The following RHBDF1 variants were observed in gnomAD, a reference collection of about 807,000 sequenced individuals.
RHBDF1 encodes the protein rhomboid 5 homolog 1.
Under a neutral mutation model 98.6 loss-of-function variants are expected in RHBDF1, and 80 were observed. That is an observed-to-expected ratio of 0.81 (90% CI 0.68 to 0.98). RHBDF1 has a LOEUF of 0.98. Among genes scored for constraint, RHBDF1 ranks in the 50% least tolerant of loss-of-function variants. The pLI is 0.00. For missense variants in RHBDF1, 1,116 were observed against 1,198.3 expected, an observed-to-expected ratio of 0.93 and a Z score of 1.01; for synonymous variants, 512 against 486.8, an observed-to-expected ratio of 1.05 and a Z score of -0.68.
intron 13 of RHBDF1, 131 bp from the exon 14 acceptor site, chr16:59,957 C>T (rs1330240430): frequency 2.8e-5 from 42 of 1,510,710 alleles, no homozygotes; most frequent in Non-Finnish European, 3.3e-5. Flanking sequence ...TGACTTCAAG[C>T]AGGCCACCAC....
chr16:60,122 G>T, intron 13 of RHBDF1, 94 bp downstream of exon 13: 1 of 1,596,438 alleles, frequency 6.3e-7, no homozygotes, highest in African/African-American at 1.3e-5. Context: ...GTGGTCCCAT[G>T]ATGGGAATCT....
At chr16:70,927 GA>G (rs1555436638) in intron 1 of RHBDF1, among the ~76,000 whole-genome samples, 1 of 152,228 alleles carries the variant, frequency 6.6e-6, no homozygotes, top group Non-Finnish European at 1.5e-5. Context: ...AAAAAAGGCA[GA>G]AGCCAAGGAA....
chr16:71,054 G>A (rs1264321414), intron 1 of RHBDF1, among the ~76,000 whole-genome samples: 1 of 152,240 alleles, frequency 6.6e-6, no homozygotes, highest in East Asian at 1.9e-4. Context: ...GGCAGGGACT[G>A]TAGCTGGGAA....
At chr16:69,331 C>T (rs530405084) in intron 1 of RHBDF1, among the ~76,000 whole-genome samples, 22 of 152,244 alleles carry the variant, frequency 1.4e-4, no homozygotes, top group Admixed American at 1.2e-3. Flanking sequence ...GGACAACTGG[C>T]GGCGGAGTTG....
At chr16:75,712 C>T (rs1291388304), upstream of RHBDF1, among the ~76,000 whole-genome samples, 1 of 152,208 alleles carries the variant, frequency 6.6e-6, no homozygotes, top group Non-Finnish European at 1.5e-5. Context: ...TGGCTGCCTT[C>T]TCTGCCCAAG....
In RHBDF1 at chr16:62,787, G is replaced by A. The variant is rs775284879; in HGVS notation, c.783C>T (p.Ser261=). Residue 261 remains serine, a synonymous_variant, in exon 6 of 18, where the codon TCC becomes TCT. Transcript: ENST00000262316. ...TTDFPDELDT[S]FFAREGILHE... is the part of the protein sequence containing the mutation. Reference sequence around the variant, plus strand: ...GGGCACTTCTTACCCGGGCAAAGAAGGATGTGTCCAGCTCATCGGGGAAAT... The same window carrying A: ...GGGCACTTCTTACCCGGGCAAAGAAAGATGTGTCCAGCTCATCGGGGAAAT... 1.1e-5 allele frequency: 18 copies of A among 1,613,990 alleles called. No individual in the cohort carries two copies. In the African/African-American group the frequency reaches 1.9e-4, roughly 17 times the overall value.
chr16:60,675 G>A (rs575112296), intron 11 of RHBDF1, 136 bp from the exon 12 acceptor site: 15 of 621,600 alleles, frequency 2.4e-5, no homozygotes, highest in South Asian at 2.3e-4. Context: ...TGAGATGCAC[G>A]TGCATGTTGG....
intron 1 of RHBDF1, among the ~76,000 whole-genome samples, chr16:70,443 C>G (rs1897941942): frequency 6.6e-6 from 1 of 152,198 alleles, no homozygotes; most frequent in Non-Finnish European, 1.5e-5. Context: ...GCCCAGGCAC[C>G]CTTGGGCTCA....
chr16:61,617 C>G lies in RHBDF1; in HGVS notation c.1288G>C (p.Val430Leu). 1 of 1,613,448 alleles carries G rather than the reference C, an allele frequency of 6.2e-7. No individual in the cohort carries two copies. Among genetic ancestry groups the G allele is most frequent in the Non-Finnish European group, 8.5e-7 (1 of 1,179,902 alleles). Residue 430 changes from valine to leucine, a missense_variant, in exon 9 of 18, where the codon GTG becomes CTG. Val to Leu is a conservative substitution (Grantham distance 32). Coordinates refer to ENST00000262316, the MANE Select transcript of RHBDF1 (RefSeq NM_022450.5). ...ACCGTCTCATGCTGCGAGAAGCCCACGGGCGCGATGCCATAGATGCACACG... is the reference window on the plus strand; with the variant it reads ...ACCGTCTCATGCTGCGAGAAGCCCAGGGGCGCGATGCCATAGATGCACACG... ...LAVCIYGIAP[V>L]GFSQHETVDS...
chr16:62,433 C>G, intron 7 of RHBDF1, 105 bp downstream of exon 7: 1 of 1,441,340 alleles, frequency 6.9e-7, no homozygotes, highest in South Asian at 1.3e-5. Flanking sequence ...GTCCCTGAGG[C>G]TACCCCTTCC....
intron 12 of RHBDF1, 70 bp from the exon 13 acceptor site, chr16:60,349 C>T (rs1897563208): frequency 1.9e-6 from 3 of 1,606,202 alleles, no homozygotes; most frequent in Admixed American, 1.7e-5. Flanking sequence ...AGCCAAGTCG[C>T]CAACAAGAGG....
upstream of RHBDF1, among the ~76,000 whole-genome samples, chr16:75,534 A>G (rs1898070633): frequency 6.6e-6 from 1 of 152,214 alleles, no homozygotes; most frequent in African/African-American, 2.4e-5. Context: ...GAAGGGGGCC[A>G]GGCCAGCCAG....
chr16:59,948 G>T, intron 13 of RHBDF1, 122 bp from the exon 14 acceptor site: 1 of 1,524,218 alleles, frequency 6.6e-7, no homozygotes, highest in East Asian at 2.4e-5. Context: ...TGGCTTCCTT[G>T]ACTTCAAGCA....
At chr16:75,241 TGGGTTA>T (rs929494078), upstream of RHBDF1, among the ~76,000 whole-genome samples, 1 of 152,136 alleles carries the variant, frequency 6.6e-6, no homozygotes, top group African/African-American at 2.4e-5. Flanking sequence ...CGTCTGAGAA[TGGGTTA>T]GGGTTAGGGT....
Position 62,970 on chromosome 16 carries a change from C to T in RHBDF1, c.672+3G>A, listed in dbSNP as rs1183611097. On this transcript the variant is annotated splice_donor_region_variant and intron_variant, in intron 5 of 17. Coordinates refer to ENST00000262316, the MANE Select transcript of RHBDF1 (RefSeq NM_022450.5). ...CAACCCCGCCTTTGGCCCCTGCACC[C>T]ACTTTCATCAGCGCTGCGGCCGCCC... The T allele has an allele frequency of 6.2e-7, 1 of 1,612,074 alleles. No homozygotes were observed. Among genetic ancestry groups the T allele is most frequent in the Admixed American group, 1.7e-5 (1 of 59,976 alleles).
upstream of RHBDF1, among the ~76,000 whole-genome samples, chr16:75,946 C>A (rs1898079211): frequency 6.6e-6 from 1 of 152,170 alleles, no homozygotes; most frequent in Non-Finnish European, 1.5e-5. Context: ...ATACTAGAAC[C>A]CTGGCCCCTG....
At chr16:71,224 C>T (rs1897960479) in intron 1 of RHBDF1, among the ~76,000 whole-genome samples, 1 of 152,170 alleles carries the variant, frequency 6.6e-6, no homozygotes, top group Admixed American at 6.5e-5. Context: ...ACGGAGGCCA[C>T]CCAGCCAGTG....
chr16:64,180 C>T, intron 3 of RHBDF1: 1 of 1,112,236 alleles, frequency 9.0e-7, no homozygotes, highest in South Asian at 1.4e-5. Flanking sequence ...CCCAGGCAGG[C>T]TGTCCACAGC....
Position 59,713 on chromosome 16 carries a change from C to T in RHBDF1, c.1817+19G>A, listed in dbSNP as rs3213510. 1.5e-4 allele frequency: 247 copies of T among 1,612,682 alleles called. No homozygotes were observed. In the East Asian group the frequency reaches 4.2e-3, roughly 27 times the overall value. ...TCTGAGCCCAGAGACCAGCTGCACT[C>T]GCTGGCACGCACACGTACCTGCCCT... On this transcript the variant is annotated intron_variant, in intron 14 of 17. Transcript: ENST00000262316.
Sources: allele counts gnomAD v4.1 joint callset (sites outside exome capture counted in the v4.1 genomes callset), GRCh38; gene constraint gnomAD v4.1.1; transcripts MANE v1.5; gene names NCBI Gene and HGNC (gene_info 2026-07-23, HGNC 2026-07-21).